PCSK5: variants seen among roughly 807,000 people sequenced by gnomAD.
PCSK5 encodes the protein proprotein convertase subtilisin/kexin type 5.
In PCSK5, 129 loss-of-function variants were observed where a neutral mutation model predicts 233.2. The ratio of observed to expected loss-of-function variants is 0.55; its 90% CI spans 0.48 to 0.64. The LOEUF is 0.64. Among genes scored for constraint, PCSK5 ranks in the 30% least tolerant of loss-of-function variants. The probability of loss-of-function intolerance (pLI) is 0.00; values close to 1 mark genes in which losing one functional copy is unlikely to be tolerated. For missense variants in PCSK5, 2,076 were observed against 2,430.1 expected, an observed-to-expected ratio of 0.85 and a Z score of 3.06; for synonymous variants, 825 against 879.2, an observed-to-expected ratio of 0.94 and a Z score of 1.09.
chr9:76,102,449 G>A (rs1461712139), intron 8 of PCSK5, among the ~76,000 whole-genome samples: 1 of 152,170 alleles, frequency 6.6e-6, no homozygotes, highest in East Asian at 1.9e-4. Context: ...GGTAGATAAA[G>A]CATCTCTAAT....
In PCSK5 at chr9:76,193,134, C is replaced by T. The variant is rs563487252; in HGVS notation, c.2626+3388C>T. 55 of 981,668 alleles carry T rather than the reference C, an allele frequency of 5.6e-5. No homozygotes were observed. In the African/African-American group the frequency reaches 6.9e-4, roughly 12 times the overall value. 60.8% of individuals were successfully genotyped at this position (981,668 alleles called of 1,614,324 possible). A position where few individuals can be genotyped will look rare whatever the true frequency, so the allele number is the denominator to read the frequency against. ...TACTCCTGAATGATCTCTTCCAATT[C>T]CCCAAATCTGCCTCTCTGGCCAATC... On this transcript the variant is annotated intron_variant, in intron 20 of 37. Transcript: ENST00000674117.
chr9:76,296,938 T>A (rs567275876), intron 27 of PCSK5, 73 bp downstream of exon 27: 2 of 948,950 alleles, frequency 2.1e-6, no homozygotes, highest in African/African-American at 3.3e-5. Context: ...ATAACTCTGG[T>A]TTTTTTAGTT....
At chr9:75,992,593 A>T (rs1200870073) in intron 3 of PCSK5, among the ~76,000 whole-genome samples, 3 of 152,184 alleles carry the variant, frequency 2.0e-5, no homozygotes, top group Non-Finnish European at 4.4e-5. Context: ...ACACACATAC[A>T]CACACATACA....
At chr9:76,006,133 T>C (rs1344638821) in intron 3 of PCSK5, among the ~76,000 whole-genome samples, 1 of 152,050 alleles carries the variant, frequency 6.6e-6, no homozygotes, top group East Asian at 1.9e-4. Flanking sequence ...TTATCTGATA[T>C]CAGAATCACA....
chr9:76,109,073 G>T (rs1020235961), intron 9 of PCSK5, among the ~76,000 whole-genome samples: 8 of 152,078 alleles, frequency 5.3e-5, no homozygotes, highest in African/African-American at 1.9e-4. Context: ...CATCTTTTAA[G>T]GTGTTAAAAG....
At chr9:75,935,529 A>C (rs1378896956) in intron 2 of PCSK5, among the ~76,000 whole-genome samples, 1 of 152,228 alleles carries the variant, frequency 6.6e-6, no homozygotes, top group African/African-American at 2.4e-5. Flanking sequence ...AACAATAAAA[A>C]TCTGGCTATT....
At chr9:76,283,551 T>G (rs560943389) in intron 24 of PCSK5, among the ~76,000 whole-genome samples, 5 of 152,374 alleles carry the variant, frequency 3.3e-5, no homozygotes, top group African/African-American at 1.2e-4. Flanking sequence ...TACTTTTATA[T>G]GCACTGGGAA....
At chr9:75,958,852 A>G (rs1213462289) in intron 2 of PCSK5, among the ~76,000 whole-genome samples, 1 of 152,216 alleles carries the variant, frequency 6.6e-6, no homozygotes, top group Non-Finnish European at 1.5e-5. Context: ...ACTTGAAAGC[A>G]TTGTATTTAT....
intron 3 of PCSK5, among the ~76,000 whole-genome samples, chr9:75,990,640 T>A (rs1181244342): frequency 6.6e-6 from 1 of 152,214 alleles, no homozygotes; most frequent in Admixed American, 6.5e-5. Context: ...TTGTGCCTCC[T>A]AAGATTAATA....
At chr9:75,918,794 A>G (rs190818723) in intron 1 of PCSK5, among the ~76,000 whole-genome samples, 2 of 152,322 alleles carry the variant, frequency 1.3e-5, no homozygotes, top group East Asian at 3.9e-4. Context: ...TATAATTCCA[A>G]ATGTTGATGT....
chr9:75,974,100 C>T (rs1476290168), intron 2 of PCSK5, among the ~76,000 whole-genome samples: 1 of 152,060 alleles, frequency 6.6e-6, no homozygotes, highest in Non-Finnish European at 1.5e-5. Context: ...AGCCTCAGCC[C>T]CAGGGCTCCT....
At chr9:76,026,934 C>T in intron 4 of PCSK5, 27 bp from the exon 5 acceptor site, 1 of 1,542,632 alleles carries the variant, frequency 6.5e-7, no homozygotes, top group Non-Finnish European at 8.9e-7. Flanking sequence ...CATTTCCTTT[C>T]CCTTGCTCTC....
At chr9:76,312,639 G>A (rs1044379843) in intron 30 of PCSK5, among the ~76,000 whole-genome samples, 2 of 151,808 alleles carry the variant, frequency 1.3e-5, no homozygotes, top group African/African-American at 4.8e-5. Context: ...ATAAATATAA[G>A]GTATTTACCC....
intron 1 of PCSK5, among the ~76,000 whole-genome samples, chr9:75,910,996 G>A (rs1235402960): frequency 3.9e-5 from 6 of 152,096 alleles, no homozygotes. Flanking sequence ...TCTTTGGCAA[G>A]ACAGAATTGA....
At chr9:76,255,791 C>T (rs1482518181) in intron 24 of PCSK5, among the ~76,000 whole-genome samples, 1 of 151,982 alleles carries the variant, frequency 6.6e-6, no homozygotes, top group South Asian at 2.1e-4. Context: ...ACTATGATGG[C>T]ACCATGGCAC....
At chr9:76,280,130 C>A (rs117341652) in intron 24 of PCSK5, among the ~76,000 whole-genome samples, 195 of 152,208 alleles carry the variant, frequency 1.3e-3, no homozygotes, top group South Asian at 5.8e-3. Context: ...ATATTTTGAA[C>A]TTTTCATCAT....
chr9:76,043,673 T>C (rs1829233577), intron 5 of PCSK5, among the ~76,000 whole-genome samples: 1 of 152,168 alleles, frequency 6.6e-6, no homozygotes, highest in African/African-American at 2.4e-5. Flanking sequence ...CATATAATTA[T>C]TGATTAATAA....
chr9:76,037,769 G>A (rs971693488), intron 5 of PCSK5, among the ~76,000 whole-genome samples: 4 of 152,114 alleles, frequency 2.6e-5, no homozygotes, highest in Non-Finnish European at 5.9e-5. Flanking sequence ...TGTGTCGTAC[G>A]TGGGGAATTG....
chr9:76,016,795 A>G (rs752115241), intron 3 of PCSK5, among the ~76,000 whole-genome samples: 22 of 152,242 alleles, frequency 1.4e-4, no homozygotes, highest in Non-Finnish European at 2.8e-4. Context: ...GAGAAACACC[A>G]TCCACTTAAC....
Sources: allele counts gnomAD v4.1 joint callset (sites outside exome capture counted in the v4.1 genomes callset), GRCh38; gene constraint gnomAD v4.1.1; transcripts MANE v1.5; gene names NCBI Gene and HGNC (gene_info 2026-07-23, HGNC 2026-07-21).